RBFOX3: variants seen among roughly 807,000 people sequenced by gnomAD.
RBFOX3 encodes RNA binding protein fox-1 homolog 3.
RBFOX3 carries 17 observed loss-of-function variants against 48.7 expected under a neutral mutation model. The observed-to-expected ratio is 0.35, with a 90% CI of 0.24 to 0.52. The LOEUF (loss-of-function observed/expected upper bound fraction) is 0.52, where lower values mean the gene tolerates loss of function less well. RBFOX3 is among the 20% of genes least tolerant of loss of function. The probability of loss-of-function intolerance (pLI) is 0.94; values close to 1 mark genes in which losing one functional copy is unlikely to be tolerated. For missense variants in RBFOX3, 382 were observed against 497.5 expected, an observed-to-expected ratio of 0.77 and a Z score of 2.21; for synonymous variants, 212 against 209.5, an observed-to-expected ratio of 1.01 and a Z score of -0.10.
intron 1 of RBFOX3, among the ~76,000 whole-genome samples, chr17:79,501,125 G>A (rs1017038298): frequency 5.9e-5 from 9 of 152,188 alleles, no homozygotes; most frequent in East Asian, 3.8e-4. Flanking sequence ...CTCAAAGGTC[G>A]ATTTTCCATG....
Position 79,240,915 on chromosome 17 carries a change from C to T in RBFOX3, c.-73-5110G>A, listed in dbSNP as rs529328465. On this transcript the variant is annotated intron_variant, in intron 3 of 14. Transcript: ENST00000693108. The stretch of plus-strand genomic sequence containing the variant: ...TCCTGACCTCGTGATCCACCCACCT[C>T]GGCCTCCCAAAGTGCTGGGATTACA... Among the ~76,000 whole-genome samples the T allele has an allele frequency of 2.6e-5, 4 of 152,064 alleles. No individual in the cohort carries two copies. In the East Asian group the frequency reaches 5.8e-4, roughly 22 times the overall value.
At chr17:79,521,350 ACACT>A (rs1321138176) in intron 1 of RBFOX3, among the ~76,000 whole-genome samples, 2 of 151,864 alleles carry the variant, frequency 1.3e-5, no homozygotes, top group East Asian at 3.9e-4. Context: ...TCACACACTC[ACACT>A]CAGACACAGA....
At chr17:79,240,995 G>A (rs1360170176) in intron 3 of RBFOX3, among the ~76,000 whole-genome samples, 1 of 135,368 alleles carries the variant, frequency 7.4e-6, no homozygotes, top group East Asian at 2.4e-4. Flanking sequence ...AATTTTTTTT[G>A]AGCAGGATCT....
chr17:79,542,747 C>T (rs113624938), intron 1 of RBFOX3, among the ~76,000 whole-genome samples: 2,948 of 152,314 alleles, frequency 0.019, 83 homozygotes, highest in African/African-American at 0.065. Flanking sequence ...CACACCACTG[C>T]ACTCCAGCCT....
chr17:79,221,271 C>G (rs1003142881), intron 4 of RBFOX3, among the ~76,000 whole-genome samples: 3 of 152,394 alleles, frequency 2.0e-5, no homozygotes, highest in Admixed American at 2.0e-4. Context: ...AGGCCAGAGC[C>G]CACCCGGGCG....
chr17:79,422,132 A>T (rs892752657), intron 2 of RBFOX3, among the ~76,000 whole-genome samples: 13 of 152,002 alleles, frequency 8.6e-5, no homozygotes, highest in African/African-American at 3.1e-4. Context: ...GGAGGAGAGG[A>T]GAGGTCCTGA....
At chr17:79,305,496 G>A (rs1049749623) in intron 3 of RBFOX3, among the ~76,000 whole-genome samples, 1 of 152,298 alleles carries the variant, frequency 6.6e-6, no homozygotes, top group Middle Eastern at 3.4e-3. Flanking sequence ...CCAAGGCAGG[G>A]CAGAGCCCTG....
chr17:79,390,303 G>A lies in RBFOX3; in HGVS notation c.-174-82479C>T, dbSNP rs2061220081. On this transcript the variant is annotated intron_variant, in intron 2 of 14. Coordinates refer to ENST00000693108, the MANE Select transcript of RBFOX3 (RefSeq NM_001350451.2). The surrounding 1 kb of genome is among the most constrained non-coding windows in gnomAD (Gnocchi z 4.2). ...GCTGGCAGACACCAGCATCCCGGGG[G>A]GACTTCTTAGACTCCACTCTGAGTT... Among the ~76,000 whole-genome samples the A allele has an allele frequency of 6.6e-6, 1 of 152,182 alleles. No homozygotes were observed. Among genetic ancestry groups the A allele is most frequent in the African/African-American group, 2.4e-5 (1 of 41,446 alleles).
intron 12 of RBFOX3, among the ~76,000 whole-genome samples, chr17:79,096,321 C>T (rs778362581): frequency 1.3e-5 from 2 of 152,178 alleles, no homozygotes; most frequent in Non-Finnish European, 2.9e-5. Context: ...CTTAGGGGCT[C>T]ACTCACTGAC....
chr17:79,284,540 TCG>T, intron 3 of RBFOX3, among the ~76,000 whole-genome samples: 1 of 84,110 alleles, frequency 1.2e-5, no homozygotes, highest in Non-Finnish European at 2.4e-5. Flanking sequence ...GGGAAGAGAC[TCG>T]CTTTTTTTTT....
intron 1 of RBFOX3, among the ~76,000 whole-genome samples, chr17:79,492,620 G>A (rs1029505142): frequency 6.6e-6 from 1 of 152,238 alleles, no homozygotes; most frequent in Non-Finnish European, 1.5e-5. Context: ...CGCTGAGCCA[G>A]GCACTCAGCT....
At chr17:79,439,850 G>A (rs1555733681) in intron 2 of RBFOX3, among the ~76,000 whole-genome samples, 1 of 152,242 alleles carries the variant, frequency 6.6e-6, no homozygotes, top group African/African-American at 2.4e-5. Flanking sequence ...GAGCTCTCCT[G>A]CTGACCCAAC....
intron 2 of RBFOX3, among the ~76,000 whole-genome samples, chr17:79,320,342 T>TACCAGTGCC (rs2078328531): frequency 6.6e-6 from 1 of 152,194 alleles, no homozygotes. Flanking sequence ...CTACCAGTGC[T>TACCAGTGCC]GGCAGCCTCT....
rs966975595 is a variant in RBFOX3, at chr17:79,563,983, C to A, written c.-320+46843G>T. ...AGTGAGCACTAACTATGCTACGTAC[C>A]CTATGCCAGGCTGAGTACCCTGCAC... On this transcript the variant is annotated intron_variant, in intron 1 of 14. Transcript: ENST00000693108. Among the ~76,000 whole-genome samples, 881 of 152,234 alleles carry A rather than the reference C, an allele frequency of 5.8e-3. 1 individual carries two copies. Among genetic ancestry groups the A allele is most frequent in the Non-Finnish European group, 1.0e-2 (678 of 68,022 alleles).
At chr17:79,475,311 G>T (rs1598855100) in intron 2 of RBFOX3, among the ~76,000 whole-genome samples, 2 of 152,142 alleles carry the variant, frequency 1.3e-5, no homozygotes, top group South Asian at 4.1e-4. Context: ...CGCTCAGCCT[G>T]CATACCTTCT....
chr17:79,600,093 A>G (rs2093670283), intron 1 of RBFOX3: 1 of 152,252 alleles, frequency 6.6e-6, no homozygotes. Flanking sequence ...TCAGAAGCCC[A>G]GCTCCCGGCA....
chr17:79,537,419 C>A (rs1004423721), intron 1 of RBFOX3, among the ~76,000 whole-genome samples: 6 of 152,176 alleles, frequency 3.9e-5, no homozygotes, highest in African/African-American at 1.4e-4. Flanking sequence ...TCTGTAAAGA[C>A]CCTATTTCCA....
chr17:79,367,052 C>G (rs1359138117), intron 2 of RBFOX3, among the ~76,000 whole-genome samples: 1 of 152,212 alleles, frequency 6.6e-6, no homozygotes, highest in Non-Finnish European at 1.5e-5. Context: ...CGTGTTGTGA[C>G]TGCCTCACAG....
intron 2 of RBFOX3, among the ~76,000 whole-genome samples, chr17:79,427,213 T>C (rs2067550264): frequency 6.6e-6 from 1 of 152,136 alleles, no homozygotes; most frequent in South Asian, 2.1e-4. Flanking sequence ...AGAATCTGGA[T>C]CCCAATCTGT....
Sources: allele counts gnomAD v4.1 joint callset (sites outside exome capture counted in the v4.1 genomes callset), GRCh38; gene constraint gnomAD v4.1.1; non-coding constraint Gnocchi (gnomAD v3.1); transcripts MANE v1.5; gene names NCBI Gene and HGNC (gene_info 2026-07-23, HGNC 2026-07-21).